The following IL17RD variants were observed in gnomAD, a reference collection of about 807,000 sequenced individuals.
IL17RD encodes interleukin 17 receptor D.
A neutral mutation model predicts 80.5 loss-of-function variants in IL17RD; 52 were observed. The ratio of observed to expected loss-of-function variants is 0.65; its 90% confidence interval spans 0.52 to 0.81. The LOEUF is 0.81. Ranked by LOEUF, IL17RD falls within the 40% of genes least tolerant of loss-of-function variation. IL17RD has a pLI of 0.00. For missense variants in IL17RD, 1,024 were observed against 955.1 expected (o/e 1.07, Z -0.95); for synonymous variants, 416 against 391.8 (o/e 1.06, Z -0.73).
At chr3:57,124,357 C>A (rs569170614) in intron 1 of IL17RD, among the ~76,000 whole-genome samples, 2 of 152,202 alleles carry the variant, frequency 1.3e-5, no homozygotes, top group South Asian at 4.1e-4. Flanking sequence ...TAATTAAGTT[C>A]AAGTATCCTG....
intron 9 of IL17RD, 71 bp from the exon 10 acceptor site, chr3:57,102,660 C>A (rs915447916): frequency 2.4e-5 from 17 of 710,592 alleles, no homozygotes; most frequent in Non-Finnish European, 3.7e-5. Flanking sequence ...AACTTTTTTT[C>A]TTTTTAAACA....
At chr3:57,124,881 T>TG (rs1215045518) in intron 1 of IL17RD, among the ~76,000 whole-genome samples, 10 of 152,190 alleles carry the variant, frequency 6.6e-5, no homozygotes, top group Non-Finnish European at 1.3e-4. Context: ...CCTGTCCTTG[T>TG]GTTCTCCCCA....
At position 57,094,246 on chromosome 3, in the gene IL17RD, A is replaced by C. The variant is rs1579249157; in HGVS notation, c.*2147T>G. The C allele has an allele frequency of 6.6e-6, 1 of 152,340 alleles. No individual in the cohort carries two copies. Among genetic ancestry groups the C allele is most frequent in the Non-Finnish European group, 1.5e-5 (1 of 68,030 alleles). 9.4% of individuals were successfully genotyped at this position (152,340 alleles called of 1,614,324 possible). A position where few individuals can be genotyped will look rare whatever the true frequency, so the allele number is the denominator to read the frequency against. On this transcript the variant is annotated 3_prime_UTR_variant, in exon 13 of 13. Coordinates refer to ENST00000296318, the MANE Select transcript of IL17RD (RefSeq NM_017563.5). ...TGAAACTAATTAAACAAAACTAGGA[A>C]GTTGGACTTCTCAATTTATTCTGAG... is the stretch of plus-strand genomic sequence containing the variant.
At chr3:57,105,552 A>AAAATATATATATATATATATATAT in intron 7 of IL17RD, among the ~76,000 whole-genome samples, 2 of 63,590 alleles carry the variant, frequency 3.1e-5, no homozygotes, top group African/African-American at 9.3e-5. Context: ...AAAAAAAAAA[A>AAAATATATATATATATATATATAT]ATATATATAT....
At chr3:57,167,989 C>T (rs1327705204), upstream of IL17RD, among the ~76,000 whole-genome samples, 1 of 152,154 alleles carries the variant, frequency 6.6e-6, no homozygotes, top group Non-Finnish European at 1.5e-5. Flanking sequence ...CAACACTGCA[C>T]CCAGCTAATT....
rs2060302742 is a variant in IL17RD at position 57,161,259 on chromosome 3, C to T, written c.126+3902G>A. On this transcript the variant is annotated intron_variant, in intron 1 of 12. Coordinates refer to ENST00000296318, the MANE Select transcript of IL17RD (RefSeq NM_017563.5). The stretch of plus-strand genomic sequence containing the variant: ...ACAACATGGCCATACGATAGGCAGA[C>T]CAGATGTGGGCTTAGGAGCCATGAG... Among the ~76,000 whole-genome samples the T allele has an allele frequency of 2.0e-5, 3 of 152,200 alleles. No homozygotes were observed. The South Asian group carries it at 6.2e-4, about 31-fold the overall frequency.
intron 1 of IL17RD, among the ~76,000 whole-genome samples, chr3:57,139,341 T>C (rs2107524636): frequency 6.6e-6 from 1 of 152,312 alleles, no homozygotes; most frequent in Non-Finnish European, 1.5e-5. Context: ...AATGTCAAGA[T>C]GGATGTTTTC....
chr3:57,164,191 T>C (rs2060328286), intron 1 of IL17RD, among the ~76,000 whole-genome samples: 1 of 152,144 alleles, frequency 6.6e-6, no homozygotes, highest in East Asian at 1.9e-4. Flanking sequence ...GTGCAAAGCC[T>C]ACGTTTTCTC....
intron 1 of IL17RD, among the ~76,000 whole-genome samples, chr3:57,152,052 A>G (rs2060229215): frequency 6.6e-6 from 1 of 152,282 alleles, no homozygotes; most frequent in African/African-American, 2.4e-5. Flanking sequence ...AAAAATGGTT[A>G]ACCCTGAGTG....
intron 1 of IL17RD, among the ~76,000 whole-genome samples, chr3:57,144,462 T>C (rs1707888072): frequency 6.6e-6 from 1 of 152,258 alleles, no homozygotes; most frequent in Non-Finnish European, 1.5e-5. Context: ...CAGTGCAAGC[T>C]ATAACCTTAT....
intron 1 of IL17RD, among the ~76,000 whole-genome samples, chr3:57,139,386 C>G (rs1441083382): frequency 6.6e-6 from 1 of 151,678 alleles, no homozygotes; most frequent in East Asian, 1.9e-4. Flanking sequence ...GCTTTTTAAA[C>G]TTTTTCCTTT....
chr3:57,150,784 G>A (rs1321451620), intron 1 of IL17RD, among the ~76,000 whole-genome samples: 1 of 152,168 alleles, frequency 6.6e-6, no homozygotes, highest in Non-Finnish European at 1.5e-5. Flanking sequence ...CAAGGGTGAG[G>A]TACCAAATTC....
intron 2 of IL17RD, among the ~76,000 whole-genome samples, chr3:57,118,077 C>T (rs992593713): frequency 2.6e-5 from 4 of 152,254 alleles, no homozygotes; most frequent in Admixed American, 6.5e-5. Context: ...TTGCAGCTGA[C>T]GGGAAAATTC....
chr3:57,152,261 G>A (rs747960524), intron 1 of IL17RD, among the ~76,000 whole-genome samples: 2 of 152,124 alleles, frequency 1.3e-5, no homozygotes, highest in African/African-American at 2.4e-5. Flanking sequence ...GCTCCGGCCC[G>A]CTGGGCAGAG....
intron 1 of IL17RD, among the ~76,000 whole-genome samples, chr3:57,132,560 C>T (rs1707633763): frequency 6.6e-6 from 1 of 152,134 alleles, no homozygotes. Context: ...GGATTAATGC[C>T]ATCCAACTGT....
At chr3:57,148,462 C>T (rs1054471892) in intron 1 of IL17RD, among the ~76,000 whole-genome samples, 8 of 152,082 alleles carry the variant, frequency 5.3e-5, no homozygotes, top group African/African-American at 1.4e-4. Context: ...CCATAGCTCA[C>T]GAAATTTTTT....
At chr3:57,144,829 T>A (rs1275375821) in intron 1 of IL17RD, among the ~76,000 whole-genome samples, 2 of 152,198 alleles carry the variant, frequency 1.3e-5, no homozygotes, top group Non-Finnish European at 2.9e-5. Context: ...CTCCCCACTC[T>A]CTTCAACCAG....
chr3:57,150,334 C>T (rs1049624044), intron 1 of IL17RD: 1 of 152,258 alleles, frequency 6.6e-6, no homozygotes, highest in Admixed American at 6.5e-5. Flanking sequence ...GGCAGCCGTC[C>T]ATCTGAGACA....
chr3:57,106,936 G>A (rs1249531766), intron 5 of IL17RD, among the ~76,000 whole-genome samples: 1 of 152,046 alleles, frequency 6.6e-6, no homozygotes, highest in African/African-American at 2.4e-5. Flanking sequence ...CTATGCCAAC[G>A]GGAAAAATTC....
Sources: allele counts gnomAD v4.1 joint callset (sites outside exome capture counted in the v4.1 genomes callset), GRCh38; gene constraint gnomAD v4.1.1; transcripts MANE v1.5; gene names NCBI Gene and HGNC (gene_info 2026-07-23, HGNC 2026-07-21).